The following SLC44A5 variants were observed in gnomAD, a reference collection of about 807,000 sequenced individuals.
SLC44A5 encodes the protein solute carrier family 44 member 5, also known as choline transporter-like protein 5.
A neutral mutation model predicts 101.8 loss-of-function variants in SLC44A5; 57 were observed. The ratio of observed to expected loss-of-function variants is 0.56; its 90% confidence interval spans 0.45 to 0.70. The LOEUF is 0.70. Ranked by LOEUF, SLC44A5 falls within the 30% of genes least tolerant of loss-of-function variation. The pLI, the probability that SLC44A5 is intolerant of heterozygous loss-of-function variation, is 0.00. For missense variants in SLC44A5, 737 were observed against 853.1 expected (o/e 0.86, Z 1.70); for synonymous variants, 281 against 290.9 (o/e 0.97, Z 0.35).
intron 2 of SLC44A5, among the ~76,000 whole-genome samples, chr1:75,470,081 T>G (rs1667024525): frequency 6.6e-6 from 1 of 152,082 alleles, no homozygotes; most frequent in Non-Finnish European, 1.5e-5. Flanking sequence ...TTAAAGATAT[T>G]CCTACAGTTT....
chr1:75,541,235 C>T (rs187490879), intron 2 of SLC44A5, among the ~76,000 whole-genome samples, 200 bp downstream of exon 2: 6 of 152,248 alleles, frequency 3.9e-5, no homozygotes, highest in East Asian at 1.9e-4. Flanking sequence ...GAAAGGAAGA[C>T]GTCATGCGTC....
chr1:75,615,820 G>A (rs1675855235), upstream of SLC44A5: 16 of 978,856 alleles, frequency 1.6e-5, no homozygotes, highest in Non-Finnish European at 1.9e-5. Flanking sequence ...TGAGAGAGGG[G>A]AGGCGGCGAG....
In SLC44A5 at chr1:75,219,316, A is replaced by G. The variant is rs1311367423; in HGVS notation, c.1207T>C (p.Tyr403His). The stretch of plus-strand genomic sequence containing the variant: ...TGCCCCCCTGGAGCTATGACTTTGT[A>G]TACAGGTACCCCCGATGTCGCCAAG... Reference protein sequence around the residue: ...VFLATSGVPVYKVIAPGGHCI... With the variant: ...VFLATSGVPVHKVIAPGGHCI... The change falls in exon 16 of 24, where the codon TAC becomes CAC. Residue 403 changes from tyrosine (Y) to histidine (H), a missense_variant. By Grantham distance (83) the Tyr-to-His change is moderately conservative (BLOSUM62 2). Transcript: ENST00000370859. 2 of 1,613,264 alleles carry G rather than the reference A, an allele frequency of 1.2e-6. No individual in the cohort carries two copies. The highest frequency in any genetic ancestry group is 3.3e-5 in the Admixed American group (2 of 60,006).
intron 3 of SLC44A5, among the ~76,000 whole-genome samples, chr1:75,386,301 T>C (rs1475257476): frequency 6.6e-6 from 1 of 152,190 alleles, no homozygotes; most frequent in Non-Finnish European, 1.5e-5. Context: ...ATTGTATATC[T>C]AGAAAACCCC....
chr1:75,549,423 C>T (rs561040522), intron 1 of SLC44A5, among the ~76,000 whole-genome samples: 14 of 152,088 alleles, frequency 9.2e-5, no homozygotes, highest in Non-Finnish European at 1.5e-4. Flanking sequence ...CTCCACCGCC[C>T]CACTCTTCCT....
At chr1:75,339,779 T>C (rs768019116) in intron 3 of SLC44A5, 149 bp from the exon 4 acceptor site, 47 of 581,828 alleles carry the variant, frequency 8.1e-5, no homozygotes, top group Non-Finnish European at 1.2e-4. Flanking sequence ...TAAGTATGTC[T>C]TGGTTACAGT....
intron 22 of SLC44A5, among the ~76,000 whole-genome samples, chr1:75,213,083 C>T (rs969986624): frequency 6.6e-6 from 1 of 152,150 alleles, no homozygotes; most frequent in African/African-American, 2.4e-5. Context: ...TCTGAGGCCT[C>T]AGCTGTAACT....
chr1:75,266,540 C>T (rs934717486), intron 6 of SLC44A5, among the ~76,000 whole-genome samples: 6 of 152,118 alleles, frequency 3.9e-5, no homozygotes, highest in Non-Finnish European at 8.8e-5. Flanking sequence ...ACAGTTGAAC[C>T]TTAACAAGTA....
intron 4 of SLC44A5, among the ~76,000 whole-genome samples, chr1:75,305,102 T>G (rs1040877757): frequency 6.6e-6 from 1 of 152,256 alleles, no homozygotes; most frequent in Non-Finnish European, 1.5e-5. Flanking sequence ...CATGTGCATG[T>G]GCAGACTTCC....
chr1:75,577,169 A>G (rs767974430), intron 1 of SLC44A5, among the ~76,000 whole-genome samples: 1 of 152,222 alleles, frequency 6.6e-6, no homozygotes, highest in Non-Finnish European at 1.5e-5. Flanking sequence ...TCCAAGTACC[A>G]TAATCCTTGC....
chr1:75,280,132 GTA>G (rs1451024361), intron 5 of SLC44A5, among the ~76,000 whole-genome samples: 3 of 8,292 alleles, frequency 3.6e-4, no homozygotes, highest in Admixed American at 3.3e-3. Context: ...GTGTGTGTGT[GTA>G]TATATATATA....
rs143992705 is a variant in SLC44A5 at position 75,371,368 on chromosome 1, G to A, written c.52+25215C>T. ...TAGGAGAAATAGAACCATCCTCAAA[G>A]GGGTTTTAGATACATTGAGTTAGCA... is the stretch of plus-strand genomic sequence containing the variant. On this transcript the variant is annotated intron_variant, in intron 3 of 23. Transcript: ENST00000370859. Among the ~76,000 whole-genome samples, 49 of 152,272 alleles carry A rather than the reference G, an allele frequency of 3.2e-4. 1 individual carries two copies. The highest frequency in any genetic ancestry group is 1.1e-3 in the African/African-American group (47 of 41,556).
chr1:75,372,367 T>C (rs992243736), intron 3 of SLC44A5, among the ~76,000 whole-genome samples: 13 of 152,144 alleles, frequency 8.5e-5, no homozygotes, highest in African/African-American at 3.1e-4. Flanking sequence ...TACATGCAGA[T>C]TGAGAGGAAA....
At chr1:75,331,611 A>T (rs1305811984) in intron 4 of SLC44A5, among the ~76,000 whole-genome samples, 1 of 152,182 alleles carries the variant, frequency 6.6e-6, no homozygotes, top group Admixed American at 6.5e-5. Flanking sequence ...GATGAGTTTT[A>T]AAAACAGATT....
intron 2 of SLC44A5, among the ~76,000 whole-genome samples, chr1:75,513,217 A>G (rs1669656363): frequency 6.6e-6 from 1 of 152,238 alleles, no homozygotes; most frequent in Admixed American, 6.5e-5. Flanking sequence ...GACAGCCAAC[A>G]TTTATAATTG....
chr1:75,627,515 C>A, the SLC44A5 span, among the ~76,000 whole-genome samples: 3 of 151,814 alleles, frequency 2.0e-5, no homozygotes, highest in Non-Finnish European at 4.4e-5. Flanking sequence ...CTTGTCTGTA[C>A]AAAAAAATTT....
chr1:75,239,820 G>A (rs984732479), intron 9 of SLC44A5, among the ~76,000 whole-genome samples: 2 of 152,002 alleles, frequency 1.3e-5, no homozygotes, highest in Non-Finnish European at 2.9e-5. Flanking sequence ...CACAAGGCTT[G>A]GCACACTGTA....
At chr1:75,502,262 A>G (rs1369755295) in intron 2 of SLC44A5, among the ~76,000 whole-genome samples, 1 of 152,186 alleles carries the variant, frequency 6.6e-6, no homozygotes, top group African/African-American at 2.4e-5. Flanking sequence ...ACTTGTTTCA[A>G]AGTCAGTGAC....
the SLC44A5 span, among the ~76,000 whole-genome samples, chr1:75,686,676 T>C: frequency 6.6e-6 from 1 of 152,172 alleles, no homozygotes; most frequent in South Asian, 2.1e-4. Context: ...AAATGTATTA[T>C]TTGCATTTTA....
Sources: allele counts gnomAD v4.1 joint callset (sites outside exome capture counted in the v4.1 genomes callset), GRCh38; gene constraint gnomAD v4.1.1; transcripts MANE v1.5; gene names NCBI Gene and HGNC (gene_info 2026-07-23, HGNC 2026-07-21).